The following CD99 variants were observed in gnomAD, a reference collection of about 807,000 sequenced individuals.
CD99 encodes CD99 antigen.
In CD99, 19 loss-of-function variants were observed where a neutral mutation model predicts 28.4. That is an observed-to-expected ratio of 0.67 (90% confidence interval 0.47 to 0.98). The LOEUF (loss-of-function observed/expected upper bound fraction) is 0.98, where lower values mean the gene tolerates loss of function less well. Ranked by LOEUF, CD99 falls within the 50% of genes least tolerant of loss-of-function variation. The pLI, the probability that CD99 is intolerant of heterozygous loss-of-function variation, is 0.00. For synonymous variants in CD99, 103 were observed against 92.1 expected, an observed-to-expected ratio of 1.12 and a Z score of -0.67; for missense variants, 283 against 248.8, an observed-to-expected ratio of 1.14 and a Z score of -0.92.
chrX:2,733,389 C>T (rs1353377869), intron 8 of CD99: 2 of 1,592,594 alleles, frequency 1.3e-6, no homozygotes, highest in East Asian at 4.5e-5. Flanking sequence ...GCAGAGAACC[C>T]AGCCCAGGCC....
chrX:2,718,176 G>C (rs2048826460), intron 3 of CD99, among the ~76,000 whole-genome samples: 1 of 151,804 alleles, frequency 6.6e-6, no homozygotes, highest in Non-Finnish European at 1.5e-5. Flanking sequence ...CCTGACTTCA[G>C]GCAATCTGCC....
At chrX:2,691,568 CG>C in intron 1 of CD99, 141 bp downstream of exon 1, 1 of 944,780 alleles carries the variant, frequency 1.1e-6, no homozygotes, top group Non-Finnish European at 1.6e-6. Context: ...GCTGTGCCCA[CG>C]GGGGCCCAGG....
At chrX:2,703,947 C>T (rs1053861226) in intron 1 of CD99, among the ~76,000 whole-genome samples, 1 of 152,156 alleles carries the variant, frequency 6.6e-6, no homozygotes, top group African/African-American at 2.4e-5. Flanking sequence ...CAGGGAACCC[C>T]GAGCAGCCCT....
intron 8 of CD99, among the ~76,000 whole-genome samples, chrX:2,728,809 A>T (rs1030318546): frequency 1.4e-5 from 2 of 147,200 alleles, no homozygotes; most frequent in Admixed American, 1.3e-4. Context: ...GTAATATTCT[A>T]GATGTTGTAT....
intron 1 of CD99, among the ~76,000 whole-genome samples, chrX:2,698,176 T>C (rs1272752238): frequency 6.6e-6 from 1 of 151,282 alleles, no homozygotes; most frequent in Admixed American, 6.6e-5. Context: ...TCTTTTTTTT[T>C]CTTTGTTTCT....
chrX:2,728,798 C>A (rs1460229912), intron 8 of CD99, among the ~76,000 whole-genome samples: 1 of 147,492 alleles, frequency 6.8e-6, no homozygotes, highest in South Asian at 2.1e-4. Flanking sequence ...GGACAGGATG[C>A]GTAATATTCT....
Position 2,731,567 on chromosome X carries a change from G to A in CD99, c.475+5194G>A, listed in dbSNP as rs181190260. Among the ~76,000 whole-genome samples, 538 of 152,224 alleles carry A rather than the reference G, an allele frequency of 3.5e-3. 5 individuals carry two copies. Among genetic ancestry groups the A allele is most frequent in the African/African-American group, 0.011 (445 of 41,524 alleles). On this transcript the variant is annotated intron_variant, in intron 8 of 9. Transcript: ENST00000381192. ...TCGAGCCACTGCACTCCAGCCTGGGGACAAGAGCGAGACTTTGTCTCAAAA... is the reference window on the plus strand; with the variant it reads ...TCGAGCCACTGCACTCCAGCCTGGGAACAAGAGCGAGACTTTGTCTCAAAA...
intron 3 of CD99, chrX:2,718,163 A>C (rs1232757637): frequency 1.3e-5 from 2 of 157,680 alleles, no homozygotes; most frequent in African/African-American, 2.5e-5. Flanking sequence ...CTGGTCTTGA[A>C]CTCCTGACTT....
In CD99 at chrX:2,691,474, C is replaced by A. The variant is rs368577206; in HGVS notation, c.67+47C>A. The A allele has an allele frequency of 5.2e-6, 8 of 1,544,602 alleles. No individual in the cohort carries two copies. The Admixed American group carries it at 9.3e-5, about 18-fold the overall frequency. On this transcript the variant is annotated intron_variant, in intron 1 of 9. Coordinates refer to ENST00000381192, the MANE Select transcript of CD99 (RefSeq NM_002414.5). ...GGTTGGGGGACGCGGAGGGCGCGGGCCGGGACTGGGGATCCGCTTGAGATG... is the reference window on the plus strand; with the variant it reads ...GGTTGGGGGACGCGGAGGGCGCGGGACGGGACTGGGGATCCGCTTGAGATG...
At chrX:2,697,553 A>G (rs1204593238) in intron 1 of CD99, among the ~76,000 whole-genome samples, 9 of 152,140 alleles carry the variant, frequency 5.9e-5, no homozygotes, top group Non-Finnish European at 1.2e-4. Flanking sequence ...CACCCTGGCA[A>G]GCATTGATCC....
At position 2,691,364 on chromosome X, in the gene CD99, G is replaced by A; in HGVS notation, c.4G>A (p.Ala2Thr). 1.3e-6 allele frequency: 2 copies of A among 1,570,794 alleles called. No individual in the cohort carries two copies. Among genetic ancestry groups the A allele is most frequent in the Non-Finnish European group, 1.7e-6 (2 of 1,168,608 alleles). Residue 2 changes from alanine (A) to threonine (T), a missense_variant, in exon 1 of 10, where the codon GCC becomes ACC. Ala to Thr is a moderately conservative substitution (Grantham distance 58). Transcript: ENST00000381192. M[A>T]RGAALALLLF... The stretch of plus-strand genomic sequence containing the variant: ...CCCTGCGCGCTCTGGGCGCACCATG[G>A]CCCGCGGGGCTGCGCTGGCGCTGCT...
intron 8 of CD99, among the ~76,000 whole-genome samples, chrX:2,735,515 T>A (rs1021644983): frequency 6.6e-6 from 1 of 152,170 alleles, no homozygotes; most frequent in Non-Finnish European, 1.5e-5. Context: ...TCAATGCAGT[T>A]TTTCCCTCTT....
intron 1 of CD99, among the ~76,000 whole-genome samples, chrX:2,700,557 C>T (rs923660595): frequency 5.3e-5 from 8 of 150,894 alleles, no homozygotes; most frequent in African/African-American, 7.3e-5. Context: ...TCCATCCATC[C>T]ATTTATCCAT....
intron 8 of CD99, among the ~76,000 whole-genome samples, chrX:2,726,998 A>G (rs111635257): frequency 0.2 from 29,984 of 152,048 alleles, 7,072 homozygotes; most frequent in African/African-American, 0.57. Context: ...TTAGCCGGGC[A>G]TGGTGGCGGG....
At chrX:2,713,371 G>T (rs779077676) in intron 1 of CD99, among the ~76,000 whole-genome samples, 2 of 146,800 alleles carry the variant, frequency 1.4e-5, no homozygotes, top group African/African-American at 5.2e-5. Flanking sequence ...CACAAAACAC[G>T]CCTACACATA....
chrX:2,721,905 A>G (rs1450810992), intron 5 of CD99, among the ~76,000 whole-genome samples: 2 of 152,222 alleles, frequency 1.3e-5, no homozygotes, highest in African/African-American at 2.4e-5. Flanking sequence ...AGACATTTCT[A>G]GCATTCAAAT....
intron 1 of CD99, among the ~76,000 whole-genome samples, chrX:2,698,185 C>CT (rs749180860): frequency 2.3e-3 from 307 of 134,780 alleles, no homozygotes; most frequent in Middle Eastern, 3.9e-3. Flanking sequence ...TTCTTTGTTT[C>CT]TTTTTTTTTT....
chrX:2,697,338 C>T (rs28373068), intron 1 of CD99, among the ~76,000 whole-genome samples: 33,499 of 151,980 alleles, frequency 0.22, 3,800 homozygotes, highest in Middle Eastern at 0.27. Flanking sequence ...TGCATCTTTT[C>T]GGGGAGTAAA....
chrX:2,712,814 C>T (rs913116333), intron 1 of CD99, among the ~76,000 whole-genome samples: 2 of 152,076 alleles, frequency 1.3e-5, no homozygotes, highest in Non-Finnish European at 2.9e-5. Flanking sequence ...CGTGGACACA[C>T]CTACCTGTAT....
Sources: gnomAD v4.1 joint callset for allele counts (sites outside exome capture counted in the v4.1 genomes callset) on GRCh38, gnomAD v4.1.1 for gene constraint, MANE v1.5 for transcripts, NCBI Gene and HGNC (gene_info 2026-07-23, HGNC 2026-07-21) for gene names.